Variants in PRIM2 observed in about 807,000 individuals in gnomAD.
PRIM2 encodes the protein DNA primase subunit 2.
PRIM2 carries 39 observed loss-of-function variants against 67.3 expected under a neutral mutation model. The observed-to-expected ratio is 0.58, with a 90% confidence interval of 0.45 to 0.76. PRIM2 has a LOEUF of 0.76. Among genes scored for constraint, PRIM2 ranks in the 30% least tolerant of loss-of-function variants. The pLI is 0.00. For synonymous variants in PRIM2, 143 were observed against 198.7 expected, an observed-to-expected ratio of 0.72 and a Z score of 2.36; for missense variants, 398 against 598.7, an observed-to-expected ratio of 0.66 and a Z score of 3.50.
chr6:57,349,324 C>T lies in PRIM2; in HGVS notation c.459+23279C>T, dbSNP rs373647671. The stretch of plus-strand genomic sequence containing the variant: ...GTATTTGAAACACCAATGCACACAC[C>T]GTGTCAGTTTGCATTGGTAGGTGGG... On this transcript the variant is annotated intron_variant, in intron 5 of 13. Transcript: ENST00000615550. Among the ~76,000 whole-genome samples the T allele has an allele frequency of 4.5e-3, 686 of 150,830 alleles. 3 individuals carry two copies. The highest frequency in any genetic ancestry group is 7.8e-3 in the Non-Finnish European group (530 of 67,742).
the PRIM2 span, among the ~76,000 whole-genome samples, chr6:57,265,323 G>A: frequency 6.6e-6 from 1 of 152,196 alleles, no homozygotes; most frequent in Non-Finnish European, 1.5e-5. Context: ...TTGGGGAGGA[G>A]AAGGGACAGT....
intron 7 of PRIM2, among the ~76,000 whole-genome samples, chr6:57,433,187 G>A (rs1029731717): frequency 1.5e-5 from 2 of 134,776 alleles, no homozygotes; most frequent in Non-Finnish European, 3.2e-5. Context: ...CAACCCCAGT[G>A]CTAAATGATG....
At chr6:57,395,294 A>C (rs1324312838) in intron 7 of PRIM2, among the ~76,000 whole-genome samples, 3 of 151,960 alleles carry the variant, frequency 2.0e-5, no homozygotes, top group Non-Finnish European at 4.4e-5. Flanking sequence ...CTGGTCCTGG[A>C]CTTTTTGTTG....
chr6:57,362,779 T>C (rs1288442572), intron 5 of PRIM2, among the ~76,000 whole-genome samples: 8 of 151,930 alleles, frequency 5.3e-5, no homozygotes, highest in Non-Finnish European at 1.5e-5. Context: ...GAAGATAACA[T>C]AAAGGAGATG....
chr6:57,330,367 G>GT (rs1345737112), intron 5 of PRIM2, among the ~76,000 whole-genome samples: 11 of 78,578 alleles, frequency 1.4e-4, no homozygotes, highest in Admixed American at 5.5e-4. Flanking sequence ...TTTTGTTTTT[G>GT]TTTTTTTGTT....
At chr6:57,645,732 C>T (rs1289131240) in intron 13 of PRIM2, among the ~76,000 whole-genome samples, 196 bp from the exon 14 acceptor site, 31 of 151,540 alleles carry the variant, frequency 2.0e-4, no homozygotes, top group African/African-American at 6.8e-4. Context: ...AATGTGGGAG[C>T]CATTTAGGTT....
chr6:57,241,485 T>G, the PRIM2 span, among the ~76,000 whole-genome samples: 1 of 148,444 alleles, frequency 6.7e-6, no homozygotes, highest in African/African-American at 2.5e-5. Context: ...TGAAAACTTT[T>G]TCAGGAAACT....
chr6:57,488,735 G>A (rs1317760507), intron 7 of PRIM2, among the ~76,000 whole-genome samples: 79,024 of 151,994 alleles, frequency 0.52, 21,824 homozygotes, highest in African/African-American at 0.71. Context: ...GGATGGAACA[G>A]TCTTTACTCA....
intron 7 of PRIM2, among the ~76,000 whole-genome samples, chr6:57,458,780 CA>C (rs1772900334): frequency 6.6e-6 from 1 of 152,162 alleles, no homozygotes; most frequent in Non-Finnish European, 1.5e-5. Context: ...AGCTACTAGG[CA>C]TTCACTTCAT....
intron 13 of PRIM2, among the ~76,000 whole-genome samples, chr6:57,638,454 G>A (rs1777161780): frequency 6.6e-6 from 1 of 151,700 alleles, no homozygotes; most frequent in South Asian, 2.1e-4. Flanking sequence ...ACATAGACTG[G>A]CAAATTGGAT....
At chr6:57,380,941 A>T (rs1769940109) in intron 6 of PRIM2, among the ~76,000 whole-genome samples, 1 of 149,934 alleles carries the variant, frequency 6.7e-6, no homozygotes, top group African/African-American at 2.5e-5. Flanking sequence ...TCAGCTTTAC[A>T]GATCTGGCTG....
At chr6:57,466,932 C>G (rs1412207999) in intron 7 of PRIM2, among the ~76,000 whole-genome samples, 2 of 151,962 alleles carry the variant, frequency 1.3e-5, no homozygotes, top group Non-Finnish European at 2.9e-5. Flanking sequence ...ACCAGCCTGA[C>G]CAAATGGAGA....
chr6:57,613,802 T>C (rs1776706105), intron 12 of PRIM2, among the ~76,000 whole-genome samples: 1 of 152,164 alleles, frequency 6.6e-6, no homozygotes, highest in Non-Finnish European at 1.5e-5. Flanking sequence ...TCTGAACATT[T>C]TATTATGGAC....
intron 7 of PRIM2, among the ~76,000 whole-genome samples, chr6:57,437,964 AT>A (rs991297294): frequency 6.6e-6 from 1 of 152,142 alleles, no homozygotes; most frequent in Non-Finnish European, 1.5e-5. Context: ...GACAGGAAAG[AT>A]TTTAAAGTAC....
chr6:57,243,171 C>A, the PRIM2 span, among the ~76,000 whole-genome samples: 1 of 152,196 alleles, frequency 6.6e-6, no homozygotes, highest in Non-Finnish European at 1.5e-5. Context: ...ATGGCAAAAA[C>A]ATACAAATGA....
intron 10 of PRIM2, among the ~76,000 whole-genome samples, chr6:57,586,254 G>GGAGTA (rs1235956522): frequency 6.6e-6 from 1 of 152,154 alleles, no homozygotes; most frequent in Non-Finnish European, 1.5e-5. Flanking sequence ...GCGCTAGCCT[G>GGAGTA]GAGTCATAAG....
At position 57,585,019 on chromosome 6, in the gene PRIM2, A is replaced by G. The variant is rs1315586514; in HGVS notation, c.1021-16074A>G. Among the ~76,000 whole-genome samples the G allele has an allele frequency of 1.1e-3, 170 of 152,314 alleles. 1 individual carries two copies. Among genetic ancestry groups the G allele is most frequent in the Non-Finnish European group, 8.8e-5 (6 of 68,024 alleles). ...TACAGAGCAGAAAAAGGAATATTTA[A>G]TACACCATAGGAGGTAATTTGCTGA... On this transcript the variant is annotated intron_variant, in intron 10 of 13. Coordinates refer to ENST00000615550, the MANE Select transcript of PRIM2 (RefSeq NM_000947.5).
At chr6:57,355,202 G>C (rs1416139634) in intron 5 of PRIM2, among the ~76,000 whole-genome samples, 1 of 152,020 alleles carries the variant, frequency 6.6e-6, no homozygotes, top group Non-Finnish European at 1.5e-5. Context: ...TACTCGGGAG[G>C]CTGAGGCAAG....
chr6:57,499,413 G>T (rs1380472819), intron 7 of PRIM2, among the ~76,000 whole-genome samples: 1 of 152,136 alleles, frequency 6.6e-6, no homozygotes, highest in Non-Finnish European at 1.5e-5. Flanking sequence ...TCTGAAGCAG[G>T]CCATAAACCC....
Sources: allele counts gnomAD v4.1 joint callset (sites outside exome capture counted in the v4.1 genomes callset), GRCh38; gene constraint gnomAD v4.1.1; transcripts MANE v1.5; gene names NCBI Gene and HGNC (gene_info 2026-07-23, HGNC 2026-07-21).